Variants in SAMMSON observed in about 807,000 individuals in gnomAD.
SAMMSON encodes the protein survival associated mitochondrial melanoma specific oncogenic non-coding RNA.
At chr3:70,280,060 G>T (rs1027309790) in intron 6 of SAMMSON, among the ~76,000 whole-genome samples, 6 of 152,160 alleles carry the variant, frequency 3.9e-5, no homozygotes, top group African/African-American at 1.4e-4. Context: ...AAATCAAGGT[G>T]TCAGCAAGGC....
intron 4 of SAMMSON, among the ~76,000 whole-genome samples, chr3:70,099,504 G>A (rs186816777): frequency 6.6e-6 from 1 of 152,268 alleles, no homozygotes; most frequent in East Asian, 1.9e-4. Flanking sequence ...TAGGGTTTGT[G>A]TTCTGGAAAT....
chr3:70,283,240 G>A (rs117108186), intron 6 of SAMMSON, among the ~76,000 whole-genome samples: 13 of 152,154 alleles, frequency 8.5e-5, no homozygotes, highest in Middle Eastern at 3.4e-3. Flanking sequence ...ATAGATTTGC[G>A]GGAACCTTGT....
At chr3:70,041,647 A>G (rs948909161) in intron 3 of SAMMSON, among the ~76,000 whole-genome samples, 1 of 152,142 alleles carries the variant, frequency 6.6e-6, no homozygotes, top group African/African-American at 2.4e-5. Flanking sequence ...AATAAAAAAT[A>G]ACAATACAAC....
chr3:70,316,277 C>T (rs529204799), intron 7 of SAMMSON, among the ~76,000 whole-genome samples: 18 of 152,168 alleles, frequency 1.2e-4, no homozygotes, highest in African/African-American at 3.8e-4. Flanking sequence ...ATCACGAGTC[C>T]TTTTGCCTTT....
intron 7 of SAMMSON, among the ~76,000 whole-genome samples, chr3:70,353,391 C>CAA (rs1470688146): frequency 6.6e-6 from 1 of 151,860 alleles, no homozygotes; most frequent in Non-Finnish European, 1.5e-5. Context: ...AATAAACAAA[C>CAA]AATTCAGTAG....
chr3:70,179,445 G>A (rs1259422068), intron 4 of SAMMSON, among the ~76,000 whole-genome samples: 1 of 152,198 alleles, frequency 6.6e-6, no homozygotes, highest in Non-Finnish European at 1.5e-5. Flanking sequence ...AGGCTGAGGG[G>A]GAAGAGAAGC....
chr3:70,306,680 T>C (rs1702404232), intron 7 of SAMMSON, among the ~76,000 whole-genome samples: 1 of 152,154 alleles, frequency 6.6e-6, no homozygotes, highest in Non-Finnish European at 1.5e-5. Context: ...GTTAGAAGAT[T>C]GCAAAACTAC....
chr3:70,303,422 G>A lies in SAMMSON; in HGVS notation n.739+12179G>A, dbSNP rs377521799. ...GAATAGGAGGAAAAAAAATTATGCG[G>A]AGCTAATTAATTCCAGAAGTGGCGA... On this transcript the variant is annotated intron_variant and non_coding_transcript_variant, in intron 7 of 9. Transcript: ENST00000642114. Among the ~76,000 whole-genome samples, 31 of 152,210 alleles carry A rather than the reference G, an allele frequency of 2.0e-4. 2 individuals are homozygous for A. The highest frequency in any genetic ancestry group is 1.2e-3 in the East Asian group (6 of 5,158).
intron 2 of SAMMSON, among the ~76,000 whole-genome samples, chr3:70,426,435 T>C (rs1359857547): frequency 1.3e-5 from 2 of 152,234 alleles, no homozygotes; most frequent in African/African-American, 2.4e-5. Flanking sequence ...GATCAAGAGT[T>C]TCTCCCATTG....
At chr3:70,110,089 C>A (rs2067382418) in intron 4 of SAMMSON, among the ~76,000 whole-genome samples, 1 of 152,170 alleles carries the variant, frequency 6.6e-6, no homozygotes, top group African/African-American at 2.4e-5. Flanking sequence ...AGGCACCCAA[C>A]CTAGTCTGGC....
At chr3:70,273,468 G>T (rs911075592) in intron 6 of SAMMSON, among the ~76,000 whole-genome samples, 5 of 152,136 alleles carry the variant, frequency 3.3e-5, no homozygotes, top group Non-Finnish European at 7.4e-5. Context: ...TCACTCAGGA[G>T]ATCGTCCAGA....
intron 3 of SAMMSON, among the ~76,000 whole-genome samples, chr3:70,016,012 C>T (rs535142614): frequency 4.6e-4 from 70 of 152,246 alleles, no homozygotes; most frequent in African/African-American, 1.2e-3. Flanking sequence ...TGAATAGTGC[C>T]GCAATAAACA....
In SAMMSON at chr3:70,126,245, G is replaced by T. The variant is rs1201823114; in HGVS notation, n.507+54680G>T. 8.9e-6 allele frequency: 9 copies of T among 1,015,202 alleles called. No individual in the cohort carries two copies. In the Middle Eastern group the frequency reaches 6.3e-4, roughly 71 times the overall value. The allele number at this position is 1,015,202 out of a possible 1,614,324, so 62.9% of individuals were successfully genotyped here. ...TCTTTTCTTTATCGTCTTCAACAGG[G>T]TCATCAGACCTTTTTTTTTTTTTTT... On this transcript the variant is annotated intron_variant and non_coding_transcript_variant, in intron 4 of 9. Transcript: ENST00000642114.
At chr3:70,108,524 G>A (rs932788853) in intron 4 of SAMMSON, among the ~76,000 whole-genome samples, 6 of 145,084 alleles carry the variant, frequency 4.1e-5, no homozygotes, top group African/African-American at 1.5e-4. Flanking sequence ...AAGCCACATC[G>A]CACAGGCTGA....
intron 3 of SAMMSON, among the ~76,000 whole-genome samples, chr3:70,032,664 T>G (rs900793838): frequency 6.6e-6 from 1 of 152,212 alleles, no homozygotes; most frequent in Non-Finnish European, 1.5e-5. Context: ...ATGGAATGGC[T>G]TAGGATAAGT....
At chr3:70,215,952 G>A (rs1701405595) in intron 4 of SAMMSON, among the ~76,000 whole-genome samples, 1 of 151,912 alleles carries the variant, frequency 6.6e-6, no homozygotes. Flanking sequence ...GTCTTTTGTG[G>A]TAAAACACAT....
At chr3:70,092,610 T>C (rs1229375713) in intron 4 of SAMMSON, among the ~76,000 whole-genome samples, 1 of 152,144 alleles carries the variant, frequency 6.6e-6, no homozygotes, top group African/African-American at 2.4e-5. Flanking sequence ...AGAACCTTTC[T>C]TCTTTGTTCC....
intron 4 of SAMMSON, among the ~76,000 whole-genome samples, chr3:70,240,768 A>G (rs62254859): frequency 5.3e-5 from 8 of 152,210 alleles, no homozygotes; most frequent in African/African-American, 1.7e-4. Context: ...AGCAAGCCAC[A>G]AGTCTGAGTT....
chr3:70,431,139 T>C (rs1230545204), intron 2 of SAMMSON, among the ~76,000 whole-genome samples: 1 of 151,994 alleles, frequency 6.6e-6, no homozygotes, highest in Non-Finnish European at 1.5e-5. Context: ...CTTACGAGAG[T>C]ATATGGAGGC....
Sources: gnomAD v4.1 joint callset for allele counts (sites outside exome capture counted in the v4.1 genomes callset) on GRCh38, gnomAD v4.1.1 for gene constraint, MANE v1.5 for transcripts, NCBI Gene and HGNC (gene_info 2026-07-23, HGNC 2026-07-21) for gene names.